Variants in SPECC1 observed in about 807,000 individuals in gnomAD.
SPECC1 encodes sperm antigen with calponin homology and coiled-coil domains 1.
Under a neutral mutation model 104.1 loss-of-function variants are expected in SPECC1, and 62 were observed. The ratio of observed to expected loss-of-function variants is 0.60; its 90% CI spans 0.49 to 0.74. The LOEUF is 0.74. SPECC1 is among the 30% of genes least tolerant of loss of function. SPECC1 has a pLI of 0.00. For synonymous variants in SPECC1, 513 were observed against 501.6 expected (o/e 1.02, Z -0.30); for missense variants, 1,306 against 1,310.5 (o/e 1.00, Z 0.05).
intron 3 of SPECC1, chr17:20,112,396 A>G (rs963287895): frequency 5.3e-6 from 4 of 760,100 alleles, no homozygotes; most frequent in Non-Finnish European, 9.8e-6. Flanking sequence ...AGAATTCTAA[A>G]CCACCGGAGG....
At chr17:20,200,748 G>C (rs2036372827) in intron 3 of SPECC1, among the ~76,000 whole-genome samples, 1 of 152,206 alleles carries the variant, frequency 6.6e-6, no homozygotes, top group Non-Finnish European at 1.5e-5. Flanking sequence ...GGCTCACATG[G>C]TGGGTGCACA....
chr17:20,069,424 ACTGT>A (rs894969917), intron 1 of SPECC1, among the ~76,000 whole-genome samples: 1 of 152,212 alleles, frequency 6.6e-6, no homozygotes, highest in Non-Finnish European at 1.5e-5. Context: ...CTAAGAAAAT[ACTGT>A]CTAATATAGT....
At chr17:20,226,776 A>G (rs1293912495) in intron 4 of SPECC1, among the ~76,000 whole-genome samples, 3 of 152,196 alleles carry the variant, frequency 2.0e-5, no homozygotes, top group Non-Finnish European at 4.4e-5. Flanking sequence ...GACATTCTCT[A>G]TCACATTTTT....
intron 1 of SPECC1, among the ~76,000 whole-genome samples, chr17:20,034,906 T>C (rs915732902): frequency 1.3e-4 from 20 of 152,126 alleles, no homozygotes; most frequent in African/African-American, 4.6e-4. Flanking sequence ...TGCGTGGCCT[T>C]TTTCTAAATG....
rs544960904 is a variant in SPECC1, at chr17:20,026,522, G to T, written c.-22+17098G>T. On this transcript the variant is annotated intron_variant, in intron 1 of 14. Coordinates refer to ENST00000395527, the MANE Select transcript of SPECC1 (RefSeq NM_001243439.2). ...TTCTTTTTAGCACCCATGTCTGAGT[G>T]AGAACATGTACTGTTTATCTTTTTG... Among the ~76,000 whole-genome samples, 5 of 152,200 alleles carry T rather than the reference G, an allele frequency of 3.3e-5. No individual in the cohort carries two copies. In the South Asian group the frequency reaches 1.0e-3, roughly 32 times the overall value.
rs1409927917 is a variant in SPECC1 at position 20,315,313 on chromosome 17, C to T, written c.*1248C>T. ...AACTAACAAAGAAGAATGCAGTTGCCCCAGCATCCTACTGGTCACCTTAAG... is the reference window on the plus strand; with the variant it reads ...AACTAACAAAGAAGAATGCAGTTGCTCCAGCATCCTACTGGTCACCTTAAG... On this transcript the variant is annotated 3_prime_UTR_variant, in exon 15 of 15. Transcript: ENST00000395527. The T allele has an allele frequency of 4.3e-6, 1 of 232,746 alleles. No individual in the cohort carries two copies. The allele number at this position is 232,746 out of a possible 1,614,324, so 14.4% of individuals were successfully genotyped here. A position where few individuals can be genotyped will look rare whatever the true frequency, so the allele number is the denominator to read the frequency against.
At chr17:20,274,492 CT>C (rs894774178) in intron 12 of SPECC1, among the ~76,000 whole-genome samples, 23 of 148,456 alleles carry the variant, frequency 1.5e-4, no homozygotes, top group African/African-American at 5.4e-4. Flanking sequence ...GTTTTGTTTC[CT>C]TTTTTTCTTT....
At chr17:20,245,547 G>C (rs543250268) in intron 7 of SPECC1, among the ~76,000 whole-genome samples, 2 of 151,998 alleles carry the variant, frequency 1.3e-5, no homozygotes, top group African/African-American at 2.4e-5. Flanking sequence ...AGCACATGTC[G>C]GCAGCCGGTC....
intron 12 of SPECC1, among the ~76,000 whole-genome samples, chr17:20,274,076 T>C (rs746220814): frequency 6.6e-6 from 1 of 152,252 alleles, no homozygotes; most frequent in Non-Finnish European, 1.5e-5. Flanking sequence ...TACTATATTA[T>C]ATACAAATAC....
chr17:20,011,956 C>T (rs139417866), intron 1 of SPECC1, among the ~76,000 whole-genome samples: 1 of 152,168 alleles, frequency 6.6e-6, no homozygotes, highest in Non-Finnish European at 1.5e-5. Flanking sequence ...CCCTCAAGTA[C>T]ATTCTTTAGA....
At chr17:20,113,421 G>T (rs2048592354) in intron 3 of SPECC1, among the ~76,000 whole-genome samples, 1 of 152,040 alleles carries the variant, frequency 6.6e-6, no homozygotes, top group South Asian at 2.1e-4. Flanking sequence ...TATTTAAATT[G>T]TAAAAACTTT....
intron 12 of SPECC1, among the ~76,000 whole-genome samples, chr17:20,260,941 CT>C (rs1008689715): frequency 3.3e-5 from 5 of 152,128 alleles, no homozygotes; most frequent in African/African-American, 7.2e-5. Context: ...GTTTAGCATT[CT>C]TCCCTGAGAT....
intron 12 of SPECC1, among the ~76,000 whole-genome samples, chr17:20,263,942 T>G (rs1478897928): frequency 1.3e-5 from 2 of 152,182 alleles, no homozygotes; most frequent in Admixed American, 6.5e-5. Flanking sequence ...CATTTTACGT[T>G]TGATGAAACC....
chr17:20,109,069 C>A (rs1044222281), intron 2 of SPECC1, among the ~76,000 whole-genome samples: 3 of 152,208 alleles, frequency 2.0e-5, no homozygotes, highest in Non-Finnish European at 4.4e-5. Flanking sequence ...ACAGCCTCAC[C>A]AACACTTGGT....
intron 9 of SPECC1, 116 bp downstream of exon 9, chr17:20,247,435 T>C (rs1201336282): frequency 3.1e-6 from 2 of 642,288 alleles, no homozygotes; most frequent in Non-Finnish European, 5.3e-6. Context: ...GTATGTGTTT[T>C]GTAAATTGGA....
intron 3 of SPECC1, among the ~76,000 whole-genome samples, chr17:20,150,513 C>A (rs1189546287): frequency 6.6e-6 from 1 of 151,758 alleles, no homozygotes; most frequent in Non-Finnish European, 1.5e-5. Context: ...GTGGTGCATG[C>A]CTGTAATCCC....
intron 3 of SPECC1, among the ~76,000 whole-genome samples, chr17:20,177,243 A>G (rs2034533193): frequency 6.6e-6 from 1 of 152,206 alleles, no homozygotes; most frequent in African/African-American, 2.4e-5. Flanking sequence ...TATTGAGGAG[A>G]GTGGTAGGCA....
intron 3 of SPECC1, among the ~76,000 whole-genome samples, chr17:20,110,952 C>CTGA (rs1305952834): frequency 6.6e-6 from 1 of 152,106 alleles, no homozygotes; most frequent in African/African-American, 2.4e-5. Flanking sequence ...AATATTTGTA[C>CTGA]TGAACCCTAT....
intron 4 of SPECC1, among the ~76,000 whole-genome samples, chr17:20,226,746 G>C (rs1421538509): frequency 6.6e-6 from 1 of 152,162 alleles, no homozygotes; most frequent in Admixed American, 6.5e-5. Context: ...GTGTATGTAC[G>C]TTTTTGTGTG....
Sources: gnomAD v4.1 joint callset for allele counts (sites outside exome capture counted in the v4.1 genomes callset) on GRCh38, gnomAD v4.1.1 for gene constraint, MANE v1.5 for transcripts, NCBI Gene and HGNC (gene_info 2026-07-23, HGNC 2026-07-21) for gene names.